CHMP2B: variants seen among roughly 807,000 people sequenced by gnomAD.
CHMP2B encodes the protein VPS2 homolog B.
Under a neutral mutation model 29.8 loss-of-function variants are expected in CHMP2B, and 22 were observed. The ratio of observed to expected loss-of-function variants is 0.74; its 90% CI spans 0.53 to 1.05. CHMP2B has a LOEUF of 1.05. CHMP2B is among the 50% of genes least tolerant of loss of function. CHMP2B has a pLI of 0.00. For missense variants in CHMP2B, 261 were observed against 252.2 expected, an observed-to-expected ratio of 1.03 and a Z score of -0.24; for synonymous variants, 78 against 75.8, an observed-to-expected ratio of 1.03 and a Z score of -0.15.
At chr3:87,252,122 T>C (rs1706322392) in intron 4 of CHMP2B, among the ~76,000 whole-genome samples, 1 of 151,924 alleles carries the variant, frequency 6.6e-6, no homozygotes, top group Non-Finnish European at 1.5e-5. Flanking sequence ...CTGACTACCT[T>C]ATGTGACATT....
chr3:87,235,680 T>C (rs1705994188), intron 1 of CHMP2B, among the ~76,000 whole-genome samples: 1 of 152,220 alleles, frequency 6.6e-6, no homozygotes. Context: ...TGTTTTTCAG[T>C]AAAGATGGCT....
At chr3:87,249,306 T>C (rs184870437) in intron 3 of CHMP2B, among the ~76,000 whole-genome samples, 2 of 152,240 alleles carry the variant, frequency 1.3e-5, no homozygotes, top group Admixed American at 1.3e-4. Context: ...TGTAAATAAA[T>C]TTTGGTGGTA....
chr3:87,227,485 C>G lies in CHMP2B; in HGVS notation c.-38C>G. 3 of 1,613,788 alleles carry G rather than the reference C, an allele frequency of 1.9e-6. No individual in the cohort carries two copies. The highest frequency in any genetic ancestry group is 2.2e-5 in the South Asian group (2 of 91,072). ...TGTCCTTTGCCAGCGTTGGGCCGGA[C>G]CGGGCCGAGCCGGGCCGCCCGGGCG... On this transcript the variant is annotated 5_prime_UTR_variant, in exon 1 of 6. Coordinates refer to ENST00000263780, the MANE Select transcript of CHMP2B (RefSeq NM_014043.4).
intron 1 of CHMP2B, among the ~76,000 whole-genome samples, chr3:87,238,391 A>C (rs1342256511): frequency 6.6e-6 from 1 of 152,108 alleles, no homozygotes; most frequent in Non-Finnish European, 1.5e-5. Flanking sequence ...TGTTACCACC[A>C]CCTGTATCTA....
chr3:87,238,339 T>G (rs1479585339), intron 1 of CHMP2B, among the ~76,000 whole-genome samples: 1 of 152,166 alleles, frequency 6.6e-6, no homozygotes, highest in Non-Finnish European at 1.5e-5. Flanking sequence ...TTTCATCACC[T>G]CAAAATAAAA....
rs776777126 is a variant in CHMP2B at position 87,227,491 on chromosome 3, C to A, written c.-32C>A. 4 of 1,613,970 alleles carry A rather than the reference C, an allele frequency of 2.5e-6. No individual in the cohort carries two copies. The highest frequency in any genetic ancestry group is 2.5e-6 in the Non-Finnish European group (3 of 1,179,902). On this transcript the variant is annotated 5_prime_UTR_variant, in exon 1 of 6. Transcript: ENST00000263780. ...TTGCCAGCGTTGGGCCGGACCGGGC[C>A]GAGCCGGGCCGCCCGGGCGCAGTCT...
rs529673273 is a variant in CHMP2B at position 87,228,968 on chromosome 3, T to C, written c.34+1412T>C. On this transcript the variant is annotated intron_variant, in intron 1 of 5. Transcript: ENST00000263780. ...GGGAACGATTTATTTTCTTTTTGCT[T>C]GAGTTTTATATAGTTACAGTTTTTT... is the stretch of plus-strand genomic sequence containing the variant. Among the ~76,000 whole-genome samples, 187 of 152,276 alleles carry C rather than the reference T, an allele frequency of 1.2e-3. 2 individuals are homozygous for C. Among genetic ancestry groups the C allele is most frequent in the African/African-American group, 4.4e-3 (182 of 41,564 alleles).
In CHMP2B at chr3:87,228,949, G is replaced by A. The variant is rs568488205; in HGVS notation, c.34+1393G>A. The stretch of plus-strand genomic sequence containing the variant: ...CTCCAGGGAGTGGGGGTGGGGGAAC[G>A]ATTTATTTTCTTTTTGCTTGAGTTT... On this transcript the variant is annotated intron_variant, in intron 1 of 5. Coordinates refer to ENST00000263780, the MANE Select transcript of CHMP2B (RefSeq NM_014043.4). 3.3e-5 allele frequency among the ~76,000 whole-genome samples: 5 copies of A among 151,852 alleles called. No individual in the cohort carries two copies. In the East Asian group the frequency reaches 9.7e-4, roughly 29 times the overall value.
At chr3:87,244,409 C>CT (rs35641609) in intron 2 of CHMP2B, among the ~76,000 whole-genome samples, 20,642 of 151,538 alleles carry the variant, frequency 0.14, 1,495 homozygotes, top group South Asian at 0.21. Context: ...ATTTGTACTT[C>CT]TTTTTTCTAT....
At chr3:87,253,132 A>T in intron 4 of CHMP2B, 1 of 348,090 alleles carries the variant, frequency 2.9e-6, no homozygotes, top group East Asian at 6.4e-5. Context: ...TGACTATCAC[A>T]TTTTTTTGTC....
In CHMP2B at chr3:87,232,299, C is replaced by T. The variant is rs143991473; in HGVS notation, c.34+4743C>T. On this transcript the variant is annotated intron_variant, in intron 1 of 5. Coordinates refer to ENST00000263780, the MANE Select transcript of CHMP2B (RefSeq NM_014043.4). ...CCCTTTCAATGTATTAGTTGTGATG[C>T]CACATTTCTGATGTTAAAAGGAAAT... Among the ~76,000 whole-genome samples, 157 of 152,200 alleles carry T rather than the reference C, an allele frequency of 1.0e-3. 1 individual carries two copies. The highest frequency in any genetic ancestry group is 3.7e-3 in the African/African-American group (152 of 41,544).
chr3:87,250,049 C>A, intron 4 of CHMP2B, 72 bp downstream of exon 4: 1 of 877,500 alleles, frequency 1.1e-6, no homozygotes, highest in East Asian at 2.8e-5. Flanking sequence ...TACTATGTCT[C>A]ATATTCTCAT....
intron 3 of CHMP2B, among the ~76,000 whole-genome samples, chr3:87,246,666 A>G (rs1361605124): frequency 6.6e-6 from 1 of 152,220 alleles, no homozygotes; most frequent in African/African-American, 2.4e-5. Context: ...TCTAGAACTT[A>G]TGTTTAACTT....
At chr3:87,253,226 T>A (rs1302885052) in intron 4 of CHMP2B, 178 bp from the exon 5 acceptor site, 1 of 563,390 alleles carries the variant, frequency 1.8e-6, no homozygotes, top group Non-Finnish European at 3.2e-6. Flanking sequence ...CCAGATTTAA[T>A]GGCTCAAATA....
At chr3:87,249,677 T>A (rs942869409) in intron 3 of CHMP2B, among the ~76,000 whole-genome samples, 198 bp from the exon 4 acceptor site, 6 of 152,072 alleles carry the variant, frequency 3.9e-5, no homozygotes, top group Non-Finnish European at 7.4e-5. Flanking sequence ...CTGGTCTTTA[T>A]TATATAGATG....
At chr3:87,242,211 T>C (rs1018350211) in intron 2 of CHMP2B, among the ~76,000 whole-genome samples, 6 of 152,190 alleles carry the variant, frequency 3.9e-5, no homozygotes, top group Non-Finnish European at 7.4e-5. Context: ...GTATATGTTG[T>C]ACAAATATTA....
At chr3:87,253,357 A>C in intron 4 of CHMP2B, 47 bp from the exon 5 acceptor site, 1 of 1,091,072 alleles carries the variant, frequency 9.2e-7, no homozygotes, top group Non-Finnish European at 1.4e-6. Flanking sequence ...TCTAACCTGA[A>C]GTTTGTTTGA....
At chr3:87,250,401 C>T (rs1706294343) in intron 4 of CHMP2B, among the ~76,000 whole-genome samples, 2 of 151,850 alleles carry the variant, frequency 1.3e-5, no homozygotes, top group South Asian at 4.2e-4. Flanking sequence ...TGAATATAAA[C>T]TAATTACATG....
At chr3:87,241,554 A>G (rs1473092861) in intron 2 of CHMP2B, among the ~76,000 whole-genome samples, 6 of 152,184 alleles carry the variant, frequency 3.9e-5, no homozygotes, top group Non-Finnish European at 8.8e-5. Context: ...AAATGGAATC[A>G]TATAATATCA....
Sources: gnomAD v4.1 joint callset for allele counts (sites outside exome capture counted in the v4.1 genomes callset) on GRCh38, gnomAD v4.1.1 for gene constraint, MANE v1.5 for transcripts, NCBI Gene and HGNC (gene_info 2026-07-23, HGNC 2026-07-21) for gene names.